The following FARS2 variants were observed in gnomAD, a reference collection of about 807,000 sequenced individuals.
The protein encoded by FARS2 is phenylalanine--tRNA ligase, mitochondrial.
Under a neutral mutation model 46.4 loss-of-function variants are expected in FARS2, and 40 were observed. The observed-to-expected ratio is 0.86, with a 90% CI of 0.67 to 1.12. The LOEUF (loss-of-function observed/expected upper bound fraction) is 1.12, where lower values mean the gene tolerates loss of function less well. Ranked by LOEUF, FARS2 falls within the 50% of genes most tolerant of loss-of-function variation. The probability of loss-of-function intolerance (pLI) is 0.00; values close to 1 mark genes in which losing one functional copy is unlikely to be tolerated. For missense variants in FARS2, 513 were observed against 567.9 expected, an observed-to-expected ratio of 0.90 and a Z score of 0.98; for synonymous variants, 234 against 214.9, an observed-to-expected ratio of 1.09 and a Z score of -0.78.
At chr6:5,515,204 A>T (rs1365282512) in intron 4 of FARS2, among the ~76,000 whole-genome samples, 1 of 152,178 alleles carries the variant, frequency 6.6e-6, no homozygotes, top group African/African-American at 2.4e-5. Context: ...TAATTCTGGA[A>T]ATAATGTGAC....
At chr6:5,279,345 A>C (rs1766556879) in intron 1 of FARS2, among the ~76,000 whole-genome samples, 1 of 144,820 alleles carries the variant, frequency 6.9e-6, no homozygotes, top group Admixed American at 7.1e-5. Flanking sequence ...ACTGCACTCC[A>C]GCCTAGGTGA....
At chr6:5,432,470 AT>A (rs1232007479) in intron 4 of FARS2, among the ~76,000 whole-genome samples, 60 of 126,432 alleles carry the variant, frequency 4.7e-4, no homozygotes, top group Middle Eastern at 3.8e-3. Context: ...TATTATATAT[AT>A]TTTTTATATA....
At position 5,404,544 on chromosome 6, in the gene FARS2, A is replaced by G; in HGVS notation, c.615A>G (p.Leu205=). The G allele has an allele frequency of 1.3e-6, 2 of 1,584,610 alleles. No homozygotes were observed. Among genetic ancestry groups the G allele is most frequent in the Non-Finnish European group, 1.7e-6 (2 of 1,164,162 alleles). ...EAVRLFSKHE[L]FAGIKDGESL... ...TATACTTTCCTGTTGGTTTACAGTTATTTGCTGGTATAAAGGATGGAGAAA... is the reference window on the plus strand; with the variant it reads ...TATACTTTCCTGTTGGTTTACAGTTGTTTGCTGGTATAAAGGATGGAGAAA... The change falls in exon 3 of 7, where the codon TTA becomes TTG. Residue 205 remains leucine, a splice_region_variant and synonymous_variant. Coordinates refer to ENST00000274680, the MANE Select transcript of FARS2 (RefSeq NM_006567.5).
At chr6:5,363,743 AC>A (rs991218845) in intron 1 of FARS2, among the ~76,000 whole-genome samples, 2 of 152,006 alleles carry the variant, frequency 1.3e-5, no homozygotes, top group African/African-American at 4.8e-5. Flanking sequence ...GTGCTGTGGC[AC>A]CCTTTACGTC....
chr6:5,643,053 G>A (rs920076026), intron 6 of FARS2, among the ~76,000 whole-genome samples: 7 of 152,210 alleles, frequency 4.6e-5, no homozygotes, highest in Non-Finnish European at 8.8e-5. Context: ...CAGAGCATGA[G>A]TTTCAGGAAA....
intron 6 of FARS2, among the ~76,000 whole-genome samples, chr6:5,613,732 C>T (rs893698440): frequency 1.3e-5 from 2 of 152,172 alleles, no homozygotes; most frequent in African/African-American, 4.8e-5. Flanking sequence ...TATATTACGT[C>T]CTAGGAATTA....
At chr6:5,594,975 C>T (rs1774117392) in intron 5 of FARS2, among the ~76,000 whole-genome samples, 1 of 152,204 alleles carries the variant, frequency 6.6e-6, no homozygotes, top group African/African-American at 2.4e-5. Context: ...AGCCTTCCTC[C>T]AGGGCCAACT....
At chr6:5,489,983 G>A (rs760892706) in intron 4 of FARS2, among the ~76,000 whole-genome samples, 9 of 152,154 alleles carry the variant, frequency 5.9e-5, no homozygotes, top group East Asian at 1.9e-4. Flanking sequence ...ATATAGAGTC[G>A]CGTAGGCACA....
At chr6:5,502,721 T>G (rs1767873434) in intron 4 of FARS2, among the ~76,000 whole-genome samples, 1 of 152,260 alleles carries the variant, frequency 6.6e-6, no homozygotes, top group Non-Finnish European at 1.5e-5. Context: ...ACTCTCAAGA[T>G]AATTTCATTC....
intron 4 of FARS2, among the ~76,000 whole-genome samples, chr6:5,445,956 T>C (rs1035641283): frequency 5.3e-5 from 8 of 152,130 alleles, no homozygotes; most frequent in African/African-American, 1.9e-4. Context: ...TCCCAGCACT[T>C]GGGGAGGCCG....
intron 6 of FARS2, among the ~76,000 whole-genome samples, chr6:5,717,908 C>CTATATATATATA (rs58922507): frequency 1.3e-4 from 10 of 77,724 alleles, no homozygotes; most frequent in African/African-American, 4.2e-4. Context: ...AAGGTATCAG[C>CTATATATATATA]TATATATATA....
intron 4 of FARS2, among the ~76,000 whole-genome samples, chr6:5,506,079 C>T (rs1027956851): frequency 3.3e-5 from 5 of 152,192 alleles, no homozygotes; most frequent in Non-Finnish European, 7.3e-5. Flanking sequence ...CCTGCTCTCC[C>T]TCCCTCCCCT....
At chr6:5,452,271 C>T (rs954680183) in intron 4 of FARS2, 2 of 152,266 alleles carry the variant, frequency 1.3e-5, no homozygotes, top group African/African-American at 2.4e-5. Flanking sequence ...TTGGGGGCTA[C>T]ACCAGGACGC....
intron 5 of FARS2, among the ~76,000 whole-genome samples, chr6:5,560,645 T>A (rs1771931710): frequency 6.6e-6 from 1 of 152,186 alleles, no homozygotes. Flanking sequence ...TTATGTTATT[T>A]CTTTCTTAAG....
At chr6:5,684,669 C>G (rs1242010361) in intron 6 of FARS2, among the ~76,000 whole-genome samples, 1 of 152,150 alleles carries the variant, frequency 6.6e-6, no homozygotes, top group Non-Finnish European at 1.5e-5. Flanking sequence ...CTCTTAAATA[C>G]CATCTCAAAA....
intron 2 of FARS2, among the ~76,000 whole-genome samples, chr6:5,387,696 G>C (rs1378722171): frequency 1.3e-5 from 2 of 152,196 alleles, no homozygotes; most frequent in African/African-American, 4.8e-5. Flanking sequence ...AGGACACTGT[G>C]ATGGGGGTCT....
intron 6 of FARS2, among the ~76,000 whole-genome samples, chr6:5,733,865 T>C (rs1333706926): frequency 1.3e-5 from 2 of 152,204 alleles, no homozygotes; most frequent in African/African-American, 4.8e-5. Context: ...ATCACTAGCC[T>C]CTCTGGACTT....
intron 5 of FARS2, among the ~76,000 whole-genome samples, chr6:5,611,511 C>T (rs957763651): frequency 6.6e-5 from 10 of 152,288 alleles, no homozygotes; most frequent in African/African-American, 2.4e-4. Flanking sequence ...AATCGTATGT[C>T]TCCCATTCAA....
intron 2 of FARS2, among the ~76,000 whole-genome samples, chr6:5,395,719 A>G (rs905052835): frequency 6.6e-6 from 1 of 152,248 alleles, no homozygotes; most frequent in Non-Finnish European, 1.5e-5. Context: ...CTGTGTGCTT[A>G]TAATAATTTT....
Sources: gnomAD v4.1 joint callset for allele counts (sites outside exome capture counted in the v4.1 genomes callset) on GRCh38, gnomAD v4.1.1 for gene constraint, MANE v1.5 for transcripts, NCBI Gene and HGNC (gene_info 2026-07-23, HGNC 2026-07-21) for gene names.